CIDEC: variants seen among roughly 807,000 people sequenced by gnomAD.
CIDEC encodes the protein cell death inducing DFFA like effector c, also known as lipid transferase CIDEC.
CIDEC carries 11 observed loss-of-function variants against 21.9 expected under a neutral mutation model. The observed-to-expected ratio is 0.50, with a 90% CI of 0.32 to 0.83. The LOEUF (loss-of-function observed/expected upper bound fraction) is 0.83, where lower values mean the gene tolerates loss of function less well. Ranked by LOEUF, CIDEC falls within the 40% of genes least tolerant of loss-of-function variation. The pLI, the probability that CIDEC is intolerant of heterozygous loss-of-function variation, is 0.04. For missense variants in CIDEC, 302 were observed against 302.3 expected, an observed-to-expected ratio of 1.00 and a Z score of 0.01; for synonymous variants, 127 against 124.9, an observed-to-expected ratio of 1.02 and a Z score of -0.11.
At position 9,878,427 on chromosome 3, in the gene CIDEC, T is replaced by A; in HGVS notation, c.53+7A>T. The A allele has an allele frequency of 6.2e-7, 1 of 1,608,410 alleles. No homozygotes were observed. Among genetic ancestry groups the A allele is most frequent in the Non-Finnish European group, 8.5e-7 (1 of 1,174,792 alleles). On this transcript the variant is annotated splice_region_variant and intron_variant, in intron 3 of 6. Transcript: ENST00000336832. ...TCTCTTTCCATTCTGCCCATGACTT[T>A]CCTCACCTGGAGAGGGACTTGGGGT...
rs1288092105 is a variant in CIDEC, at chr3:9,878,742, A to C, written c.-26+200T>G. The C allele has an allele frequency of 7.8e-6, 12 of 1,535,230 alleles. 1 individual carries two copies. Among genetic ancestry groups the C allele is most frequent in the South Asian group, 2.4e-5 (2 of 83,988 alleles). ...CCACCGGGTGCTCAGGCTCAGCCTC[A>C]CTCAGCAGCTGCTGCTCCTGCCCCA... On this transcript the variant is annotated intron_variant, in intron 2 of 6. Transcript: ENST00000336832.
Position 9,867,263 on chromosome 3 carries a change from C to T in CIDEC, c.588G>A (p.Gln196=), listed in dbSNP as rs1132704. The part of the protein sequence containing the change: ...EAFRWALFSM[Q]ATGHVLLGTS... ...TGCCAAGCAGTACGTGGCCTGTGGC[C>T]TGCATGCTGAAGAGGGCCCAGCGGA... The change falls in exon 7 of 7, where the codon CAG becomes CAA. Residue 196 remains glutamine, a synonymous_variant. Transcript: ENST00000336832. The T allele has an allele frequency of 2.3e-4, 376 of 1,614,058 alleles. No individual in the cohort carries two copies. Among genetic ancestry groups the T allele is most frequent in the Middle Eastern group, 8.2e-4 (5 of 6,072 alleles).
At chr3:9,874,270 C>G (rs955673003) in intron 4 of CIDEC, among the ~76,000 whole-genome samples, 1 of 152,026 alleles carries the variant, frequency 6.6e-6, no homozygotes, top group Non-Finnish European at 1.5e-5. Flanking sequence ...AATCCCAGCA[C>G]TTTGGGAGGC....
At position 9,877,102 on chromosome 3, in the gene CIDEC, G is replaced by A. The variant is rs879198895; in HGVS notation, c.171C>T (p.Gly57=). 5 of 1,553,376 alleles carry A rather than the reference G, an allele frequency of 3.2e-6. No homozygotes were observed. The highest frequency in any genetic ancestry group is 2.0e-5 in the Admixed American group (1 of 51,074). The stretch of plus-strand genomic sequence containing the variant: ...GGTCCTCAAGACTGTAAGCCATGAT[G>A]CCCTTCCTCACGCTTCGATCCGCCG... ...VSTADRSVRK[G]IMAYSLEDLL... The change falls in exon 4 of 7, where the codon GGC becomes GGT. Residue 57 remains glycine, a synonymous_variant. Coordinates refer to ENST00000336832, the MANE Select transcript of CIDEC (RefSeq NM_001321142.2).
In CIDEC at chr3:9,866,729, T is replaced by A. The variant is rs1575443679; in HGVS notation, c.*405A>T. 2 of 409,892 alleles carry A rather than the reference T, an allele frequency of 4.9e-6. No individual in the cohort carries two copies. The highest frequency in any genetic ancestry group is 8.6e-5 in the East Asian group (2 of 23,232). 25.4% of individuals were successfully genotyped at this position (409,892 alleles called of 1,614,324 possible). A position where few individuals can be genotyped will look rare whatever the true frequency, so the allele number is the denominator to read the frequency against. Reference sequence around the variant, plus strand: ...AGAAGATACATCAGCCTCAATAATTTATTGCAAACTCCCTAATATCACATG... The same window carrying A: ...AGAAGATACATCAGCCTCAATAATTAATTGCAAACTCCCTAATATCACATG... On this transcript the variant is annotated 3_prime_UTR_variant, in exon 7 of 7. Transcript: ENST00000336832.
intron 1 of CIDEC, among the ~76,000 whole-genome samples, chr3:9,879,278 C>T (rs914546908): frequency 2.0e-5 from 3 of 151,740 alleles, no homozygotes; most frequent in Non-Finnish European, 2.9e-5. Context: ...CAGCCTCCCC[C>T]GTAGCTGGGA....
chr3:9,867,350 G>A, intron 6 of CIDEC, 54 bp from the exon 7 acceptor site: 1 of 1,592,708 alleles, frequency 6.3e-7, no homozygotes, highest in South Asian at 1.1e-5. Context: ...GTCGGGCATG[G>A]CGTTCACGCC....
chr3:9,876,753 G>A (rs1490508151), intron 4 of CIDEC, among the ~76,000 whole-genome samples: 1 of 102,032 alleles, frequency 9.8e-6, no homozygotes, highest in South Asian at 3.6e-4. Context: ...GTGAGACTTC[G>A]TCTCAAAAAA....
intron 3 of CIDEC, 125 bp downstream of exon 3, chr3:9,878,309 C>G (rs1334056599): frequency 1.3e-6 from 1 of 795,154 alleles, no homozygotes; most frequent in East Asian, 2.5e-5. Context: ...CACTCCAGAC[C>G]TCCTGAATCA....
chr3:9,878,653 G>A, intron 2 of CIDEC, 142 bp from the exon 3 acceptor site: 2 of 1,276,706 alleles, frequency 1.6e-6, no homozygotes, highest in East Asian at 2.5e-5. Flanking sequence ...ACCTCCCCCA[G>A]CCCTTCTCCT....
intron 6 of CIDEC, among the ~76,000 whole-genome samples, chr3:9,869,423 A>C (rs1274701125): frequency 2.6e-5 from 4 of 151,636 alleles, no homozygotes; most frequent in Non-Finnish European, 5.9e-5. Flanking sequence ...GCTAGTTTTC[A>C]TATTTTTGTA....
intron 4 of CIDEC, among the ~76,000 whole-genome samples, chr3:9,875,376 C>CAAAAAAA (rs34070196): frequency 8.6e-6 from 1 of 116,898 alleles, no homozygotes; most frequent in Admixed American, 9.2e-5. Context: ...GACTCTGTCT[C>CAAAAAAA]AAAAAAAAAA....
chr3:9,874,337 T>C (rs991551227), intron 4 of CIDEC, among the ~76,000 whole-genome samples: 3 of 151,734 alleles, frequency 2.0e-5, no homozygotes, highest in African/African-American at 4.8e-5. Context: ...GAAACATAGC[T>C]AGACCCCCTC....
At chr3:9,877,031 C>G in intron 4 of CIDEC, 35 bp downstream of exon 4, 2 of 1,526,444 alleles carry the variant, frequency 1.3e-6, no homozygotes, top group Non-Finnish European at 1.8e-6. Flanking sequence ...AATCCCAGCT[C>G]ACAGCTGGGC....
In CIDEC at chr3:9,867,299, G is replaced by A. The variant is rs1409135326; in HGVS notation, c.555-3C>T. ...AGAGGGCCCAGCGGAAAGCTTCCCT[G>A]GGTGGAATGAGAGGGCACGCAAGTC... On this transcript the variant is annotated splice_polypyrimidine_tract_variant and splice_region_variant and intron_variant, in intron 6 of 6. Transcript: ENST00000336832. 1.2e-6 allele frequency: 2 copies of A among 1,613,954 alleles called. No individual in the cohort carries two copies. Among genetic ancestry groups the A allele is most frequent in the Non-Finnish European group, 1.7e-6 (2 of 1,180,028 alleles).
At chr3:9,876,843 A>G (rs1019344439) in intron 4 of CIDEC, among the ~76,000 whole-genome samples, 6 of 151,300 alleles carry the variant, frequency 4.0e-5, no homozygotes, top group African/African-American at 1.5e-4. Context: ...TGAAAATACC[A>G]CTGACCTACT....
At chr3:9,878,388 AGCTCATAGGTG>A (rs1348241408) in intron 3 of CIDEC, 35 bp downstream of exon 3, 9 of 1,408,668 alleles carry the variant, frequency 6.4e-6, no homozygotes, top group Non-Finnish European at 9.1e-6. Context: ...TCTGGCTTAC[AGCTCATAGGTG>A]GCTCTCTTTC....
At chr3:9,873,766 C>T (rs1037815708) in intron 4 of CIDEC, among the ~76,000 whole-genome samples, 3 of 152,202 alleles carry the variant, frequency 2.0e-5, no homozygotes, top group Admixed American at 2.0e-4. Flanking sequence ...AATCACCTGG[C>T]AGATTACATG....
At chr3:9,878,617 C>A in intron 2 of CIDEC, 106 bp from the exon 3 acceptor site, 1 of 1,244,608 alleles carries the variant, frequency 8.0e-7, no homozygotes, top group South Asian at 1.3e-5. Flanking sequence ...ACCTTCCTCC[C>A]TATTCTTCTA....
Sources: allele counts gnomAD v4.1 joint callset (sites outside exome capture counted in the v4.1 genomes callset), GRCh38; gene constraint gnomAD v4.1.1; transcripts MANE v1.5; gene names NCBI Gene and HGNC (gene_info 2026-07-23, HGNC 2026-07-21).